The following PCDH15 variants were observed in gnomAD, a reference collection of about 807,000 sequenced individuals.
PCDH15 encodes the protein protocadherin related 15.
A neutral mutation model predicts 178.5 loss-of-function variants in PCDH15; 129 were observed. The observed-to-expected ratio is 0.72, with a 90% CI of 0.63 to 0.84. PCDH15 has a LOEUF of 0.84. PCDH15 is among the 40% of genes least tolerant of loss of function. PCDH15 has a pLI of 0.00. For missense variants in PCDH15, 2,230 were observed against 2,099.9 expected (o/e 1.06, Z -1.21); for synonymous variants, 800 against 732.0 (o/e 1.09, Z -1.50).
chr10:54,229,727 A>G (rs2134290675), intron 9 of PCDH15, among the ~76,000 whole-genome samples: 1 of 152,344 alleles, frequency 6.6e-6, no homozygotes, highest in East Asian at 1.9e-4. Context: ...CTTCCTGAAC[A>G]TGTGGAACTG....
At position 54,421,847 on chromosome 10, in the gene PCDH15, C is replaced by G. The variant is rs77698775; in HGVS notation, c.158-42905G>C. 5.3e-5 allele frequency among the ~76,000 whole-genome samples: 5 copies of G among 93,502 alleles called. 1 individual carries two copies. The highest frequency in any genetic ancestry group is 1.8e-4 in the African/African-American group (3 of 16,834). The allele number at this position is 93,502 out of a possible 152,430, so 61.3% of individuals were successfully genotyped here. Reference sequence around the variant, plus strand: ...ATATATATATATATATACACACACACTATATATATATATATACACACACTA... The same window carrying G: ...ATATATATATATATATACACACACAGTATATATATATATATACACACACTA... On this transcript the variant is annotated intron_variant, in intron 3 of 37. Transcript: ENST00000644397.
chr10:55,543,870 G>A (rs1227374847), intron 2 of PCDH15, among the ~76,000 whole-genome samples: 2 of 151,306 alleles, frequency 1.3e-5, no homozygotes, highest in Admixed American at 1.3e-4. Context: ...AAATTTCTGT[G>A]TTCCTTCCTT....
intron 27 of PCDH15, among the ~76,000 whole-genome samples, chr10:53,864,853 G>T (rs1242705414): frequency 6.6e-6 from 1 of 152,030 alleles, no homozygotes; most frequent in Admixed American, 6.6e-5. Context: ...TTGTTCCTTT[G>T]TTTCGTTCCT....
chr10:55,601,298 T>C (rs1843071332), intron 2 of PCDH15, among the ~76,000 whole-genome samples: 1 of 152,114 alleles, frequency 6.6e-6, no homozygotes, highest in Non-Finnish European at 1.5e-5. Flanking sequence ...TCAGTAAGAG[T>C]TGGCATTTGA....
chr10:54,289,280 C>T (rs565004541), intron 8 of PCDH15, among the ~76,000 whole-genome samples: 34 of 152,274 alleles, frequency 2.2e-4, no homozygotes, highest in African/African-American at 8.2e-4. Flanking sequence ...GCTGAGGGAC[C>T]TGAATGTTAG....
intron 32 of PCDH15, among the ~76,000 whole-genome samples, chr10:53,820,779 G>A (rs75036796): frequency 0.014 from 2,181 of 152,032 alleles, 26 homozygotes; most frequent in South Asian, 0.035. Context: ...GATGCTGTTC[G>A]AATTTAACAA....
chr10:55,175,672 A>AAAG (rs1485571733), intron 1 of PCDH15, among the ~76,000 whole-genome samples: 4 of 151,292 alleles, frequency 2.6e-5, no homozygotes, highest in Non-Finnish European at 5.9e-5. Flanking sequence ...TCAAAAAAAA[A>AAAG]AAAAAAGAAA....
chr10:54,657,509 G>A (rs2094427778), intron 2 of PCDH15, among the ~76,000 whole-genome samples: 2 of 152,170 alleles, frequency 1.3e-5, no homozygotes, highest in Non-Finnish European at 2.9e-5. Context: ...TGAGACCTCT[G>A]TACTCTCAGC....
chr10:54,979,152 C>G (rs541792169), intron 2 of PCDH15, among the ~76,000 whole-genome samples: 1 of 152,132 alleles, frequency 6.6e-6, no homozygotes, highest in South Asian at 2.1e-4. Flanking sequence ...TACTCTCAAG[C>G]AAGACACTGC....
At chr10:53,916,671 A>G (rs2083555751) in intron 25 of PCDH15, among the ~76,000 whole-genome samples, 1 of 152,224 alleles carries the variant, frequency 6.6e-6, no homozygotes, top group African/African-American at 2.4e-5. Flanking sequence ...AACTTTAAGC[A>G]TAAACTTTGG....
chr10:54,843,442 C>A (rs1953452995), intron 3 of PCDH15, among the ~76,000 whole-genome samples: 1 of 151,950 alleles, frequency 6.6e-6, no homozygotes, highest in Non-Finnish European at 1.5e-5. Context: ...TAGAAAACAT[C>A]TTAATTGTGA....
At position 55,423,257 on chromosome 10, in the gene PCDH15, T is replaced by C. The variant is rs141795868; in HGVS notation, c.-156+204368A>G. On this transcript the variant is annotated intron_variant, in intron 2 of 5. Transcript: ENST00000613346. ...AACACACTTTAAATGATTTACTTGT[T>C]TAAAATGTAAAGGGAAGGATGAATA... Among the ~76,000 whole-genome samples the C allele has an allele frequency of 2.5e-3, 376 of 152,064 alleles. 4 individuals are homozygous for C. The highest frequency in any genetic ancestry group is 8.9e-3 in the African/African-American group (368 of 41,518).
At chr10:54,195,989 A>G in intron 10 of PCDH15, 100 bp from the exon 11 acceptor site, 1 of 1,033,888 alleles carries the variant, frequency 9.7e-7, no homozygotes, top group South Asian at 1.4e-5. Flanking sequence ...CTTTTTAACT[A>G]ATATCATCAC....
At position 54,264,149 on chromosome 10, in the gene PCDH15, G is replaced by T. The variant is rs771464755; in HGVS notation, c.877-27218C>A. The stretch of plus-strand genomic sequence containing the variant: ...CTTCCCTGCTCCTCAGCTTGCAGAT[G>T]GCCTATTGTGGGACTTTAACTTGTG... On this transcript the variant is annotated intron_variant, in intron 8 of 37. Coordinates refer to ENST00000644397, the MANE Select transcript of PCDH15 (RefSeq NM_001384140.1). Among the ~76,000 whole-genome samples, 10 of 152,116 alleles carry T rather than the reference G, an allele frequency of 6.6e-5. 1 individual carries two copies. Among genetic ancestry groups the T allele is most frequent in the South Asian group, 4.2e-4 (2 of 4,808 alleles).
chr10:54,460,556 C>T (rs986831016), intron 3 of PCDH15, among the ~76,000 whole-genome samples: 6 of 151,906 alleles, frequency 3.9e-5, no homozygotes, highest in African/African-American at 1.5e-4. Context: ...GCAAGTAAAA[C>T]ATGGAGCGGG....
intron 2 of PCDH15, among the ~76,000 whole-genome samples, chr10:55,042,997 T>C (rs1279346415): frequency 6.6e-6 from 1 of 152,142 alleles, no homozygotes; most frequent in East Asian, 1.9e-4. Flanking sequence ...TCTGTTTGTC[T>C]TGTCTATATT....
intron 26 of PCDH15, among the ~76,000 whole-genome samples, chr10:53,872,103 G>T (rs2079911488): frequency 6.6e-6 from 1 of 152,038 alleles, no homozygotes; most frequent in Non-Finnish European, 1.5e-5. Flanking sequence ...CCTCCTTGTT[G>T]CCAAACATAA....
chr10:55,379,555 A>G (rs1837483712), intron 2 of PCDH15, among the ~76,000 whole-genome samples: 1 of 152,212 alleles, frequency 6.6e-6, no homozygotes, highest in African/African-American at 2.4e-5. Flanking sequence ...ACTACTTTAT[A>G]TATGGGCAAA....
chr10:55,341,386 T>C (rs1333275803), intron 2 of PCDH15, among the ~76,000 whole-genome samples: 1 of 152,068 alleles, frequency 6.6e-6, no homozygotes, highest in East Asian at 1.9e-4. Context: ...TGGAATGTTA[T>C]AAAATGGGAG....
Sources: allele counts gnomAD v4.1 joint callset (sites outside exome capture counted in the v4.1 genomes callset), GRCh38; gene constraint gnomAD v4.1.1; transcripts MANE v1.5; gene names NCBI Gene and HGNC (gene_info 2026-07-23, HGNC 2026-07-21).